AGBL1: variants seen among roughly 807,000 people sequenced by gnomAD.
AGBL1 encodes AGBL carboxypeptidase 1, also known as cytosolic carboxypeptidase 4.
Under a neutral mutation model 118.9 loss-of-function variants are expected in AGBL1, and 130 were observed. That is an observed-to-expected ratio of 1.09 (90% CI 0.95 to 1.26). AGBL1 has a LOEUF of 1.26. AGBL1 is among the 50% of genes most tolerant of loss of function. The probability of loss-of-function intolerance (pLI) is 0.00; values close to 1 mark genes in which losing one functional copy is unlikely to be tolerated. For synonymous variants in AGBL1, 555 were observed against 478.9 expected, an observed-to-expected ratio of 1.16 and a Z score of -2.08; for missense variants, 1,584 against 1,298.1, an observed-to-expected ratio of 1.22 and a Z score of -3.38.
chr15:86,896,098 A>G (rs900570174), intron 22 of AGBL1, among the ~76,000 whole-genome samples: 2 of 152,112 alleles, frequency 1.3e-5, no homozygotes, highest in Admixed American at 1.3e-4. Context: ...CATTTAGAGA[A>G]AAGGCTGTTT....
intron 20 of AGBL1, among the ~76,000 whole-genome samples, chr15:86,552,324 T>A (rs1291674145): frequency 3.3e-5 from 5 of 151,864 alleles, no homozygotes; most frequent in East Asian, 3.9e-4. Context: ...TTTATTTTTT[T>A]TAAAAAAGAG....
In AGBL1 at chr15:86,913,717, A is replaced by AAAT. The variant is rs2080382561; in HGVS notation, c.*6425_*6427dup. The stretch of plus-strand genomic sequence containing the variant: ...TGAATCTACAAAAAATAAAGAAAAA[A>AAAT]AATAGCCAGGCGTGATGGTGCATGC... On this transcript the variant is annotated 3_prime_UTR_variant, in exon 23 of 23. Transcript: ENST00000614907. The AAAT allele has an allele frequency of 6.6e-6, 1 of 152,194 alleles. No homozygotes were observed. Among genetic ancestry groups the AAAT allele is most frequent in the African/African-American group, 2.4e-5 (1 of 41,420 alleles). 9.4% of individuals were successfully genotyped at this position (152,194 alleles called of 1,614,324 possible).
intron 21 of AGBL1, among the ~76,000 whole-genome samples, chr15:86,620,565 A>G (rs1283138668): frequency 6.6e-6 from 1 of 152,142 alleles, no homozygotes; most frequent in East Asian, 1.9e-4. Flanking sequence ...TTATCACCTC[A>G]TCAAGAATAC....
intron 23 of AGBL1, among the ~76,000 whole-genome samples, chr15:86,956,007 A>AT (rs1481940719): frequency 1.3e-5 from 2 of 152,174 alleles, no homozygotes; most frequent in Non-Finnish European, 2.9e-5. Flanking sequence ...GCTGTATCAA[A>AT]TCTGGGTAAA....
At chr15:86,537,419 C>A (rs1482484252) in intron 19 of AGBL1, among the ~76,000 whole-genome samples, 2 of 152,190 alleles carry the variant, frequency 1.3e-5, no homozygotes, top group Admixed American at 6.5e-5. Flanking sequence ...AGAAAGGTGA[C>A]ATCCAGGCTA....
chr15:86,478,490 G>A (rs368608114), intron 18 of AGBL1, among the ~76,000 whole-genome samples: 136 of 152,102 alleles, frequency 8.9e-4, no homozygotes, highest in East Asian at 3.7e-3. Context: ...CAATTGCTTC[G>A]AAGAGAATAA....
chr15:86,799,924 T>C (rs963313916), intron 22 of AGBL1, among the ~76,000 whole-genome samples: 1 of 152,136 alleles, frequency 6.6e-6, no homozygotes, highest in Admixed American at 6.6e-5. Flanking sequence ...AGCGAAGAAC[T>C]GAAAAATATC....
intron 18 of AGBL1, among the ~76,000 whole-genome samples, chr15:86,438,134 C>A (rs778858416): frequency 2.0e-5 from 3 of 152,072 alleles, no homozygotes; most frequent in Non-Finnish European, 4.4e-5. Flanking sequence ...TCTCCAACTC[C>A]TGACCTCATG....
At chr15:86,343,977 GA>G (rs1253413160) in intron 17 of AGBL1, among the ~76,000 whole-genome samples, 3 of 152,122 alleles carry the variant, frequency 2.0e-5, no homozygotes, top group African/African-American at 7.2e-5. Flanking sequence ...ATCAAGCCAT[GA>G]AAAAACCTAT....
Position 86,522,807 on chromosome 15 carries a change from T to C in AGBL1, c.2556-3T>C, listed in dbSNP as rs778668601. On this transcript the variant is annotated splice_region_variant and splice_polypyrimidine_tract_variant and intron_variant, in intron 18 of 22. Coordinates refer to ENST00000614907, the MANE Select transcript of AGBL1 (RefSeq NM_001386094.1). ...TTTATTTGCTTATTATTTGTTCCTG[T>C]AGCCACAGATGCTCACTGAGCGGGG... The C allele has an allele frequency of 1.1e-5, 18 of 1,613,354 alleles. No homozygotes were observed. The East Asian group carries it at 4.0e-4, about 36-fold the overall frequency.
intron 5 of AGBL1, among the ~76,000 whole-genome samples, chr15:86,175,045 T>C (rs1024374713): frequency 1.3e-5 from 2 of 152,160 alleles, no homozygotes; most frequent in African/African-American, 4.8e-5. Context: ...AATTCCCTCC[T>C]CTTTAATTTT....
At chr15:86,376,176 A>G (rs952001808) in intron 17 of AGBL1, among the ~76,000 whole-genome samples, 2 of 152,262 alleles carry the variant, frequency 1.3e-5, no homozygotes, top group East Asian at 3.8e-4. Context: ...AGATGTCAGA[A>G]GGATGCCACT....
intron 18 of AGBL1, among the ~76,000 whole-genome samples, chr15:86,464,322 G>A (rs1024865589): frequency 1.3e-5 from 2 of 152,172 alleles, no homozygotes; most frequent in African/African-American, 4.8e-5. Flanking sequence ...TTGCTTATGA[G>A]CTTAAGGTGT....
rs142490590 is a variant in AGBL1 at position 86,565,479 on chromosome 15, C to T, written c.2994+10942C>T. On this transcript the variant is annotated intron_variant, in intron 21 of 22. Transcript: ENST00000614907. The stretch of plus-strand genomic sequence containing the variant: ...TGAACAGCAAATGTTGCTGCCTGAT[C>T]GTTCCTCTGGAAGCTTTGTCTCAGA... 3.8e-3 allele frequency among the ~76,000 whole-genome samples: 581 copies of T among 152,332 alleles called. 9 individuals carry two copies. Among genetic ancestry groups the T allele is most frequent in the African/African-American group, 0.013 (556 of 41,584 alleles).
intron 21 of AGBL1, among the ~76,000 whole-genome samples, chr15:86,671,065 C>A (rs985132867): frequency 6.6e-6 from 1 of 152,094 alleles, no homozygotes; most frequent in Admixed American, 6.6e-5. Context: ...TTCTCTCTTA[C>A]CTGTCTCTTT....
At chr15:86,226,511 C>G (rs551056363) in intron 6 of AGBL1, among the ~76,000 whole-genome samples, 4 of 152,178 alleles carry the variant, frequency 2.6e-5, no homozygotes, top group African/African-American at 7.2e-5. Flanking sequence ...CTTGAGCTTA[C>G]GGTTGAGCAT....
intron 16 of AGBL1, among the ~76,000 whole-genome samples, chr15:86,281,484 G>A (rs745675486): frequency 2.0e-5 from 3 of 152,192 alleles, no homozygotes; most frequent in Non-Finnish European, 4.4e-5. Context: ...TTCCCATTGG[G>A]TAAGTGATCA....
chr15:86,538,185 C>G (rs1315363456), intron 19 of AGBL1, among the ~76,000 whole-genome samples: 3 of 152,142 alleles, frequency 2.0e-5, no homozygotes, highest in African/African-American at 7.2e-5. Flanking sequence ...CAAGACTGAT[C>G]TGTAAGTAAA....
At chr15:86,697,756 T>C (rs2086287143) in intron 22 of AGBL1, among the ~76,000 whole-genome samples, 1 of 152,098 alleles carries the variant, frequency 6.6e-6, no homozygotes, top group East Asian at 1.9e-4. Context: ...CTGCTGTTTA[T>C]ATTCTTTTGG....
Sources: gnomAD v4.1 joint callset for allele counts (sites outside exome capture counted in the v4.1 genomes callset) on GRCh38, gnomAD v4.1.1 for gene constraint, MANE v1.5 for transcripts, NCBI Gene and HGNC (gene_info 2026-07-23, HGNC 2026-07-21) for gene names.